Variants in AGBL1 observed in about 807,000 individuals in gnomAD.
AGBL1 encodes cytosolic carboxypeptidase 4.
Under a neutral mutation model 118.9 loss-of-function variants are expected in AGBL1, and 130 were observed. The observed-to-expected ratio is 1.09, with a 90% confidence interval of 0.95 to 1.26. AGBL1 has a LOEUF of 1.26. AGBL1 is among the 50% of genes most tolerant of loss of function. AGBL1 has a pLI of 0.00. For missense variants in AGBL1, 1,584 were observed against 1,298.1 expected, an observed-to-expected ratio of 1.22 and a Z score of -3.38; for synonymous variants, 555 against 478.9, an observed-to-expected ratio of 1.16 and a Z score of -2.08.
chr15:86,701,316 T>G (rs2142645449), intron 22 of AGBL1, among the ~76,000 whole-genome samples: 1 of 151,462 alleles, frequency 6.6e-6, no homozygotes, highest in African/African-American at 2.4e-5. Flanking sequence ...AGAGGGGAGG[T>G]GAAGGGTGAA....
At chr15:86,131,942 T>C (rs2076825216) in intron 1 of AGBL1, among the ~76,000 whole-genome samples, 1 of 138,434 alleles carries the variant, frequency 7.2e-6, no homozygotes, top group African/African-American at 2.8e-5. Flanking sequence ...AGCAAGACCA[T>C]GTCTCGAAAA....
At chr15:86,966,693 T>C (rs2081056976) in intron 23 of AGBL1, among the ~76,000 whole-genome samples, 1 of 152,194 alleles carries the variant, frequency 6.6e-6, no homozygotes, top group South Asian at 2.1e-4. Context: ...GCATGGTGTA[T>C]ATGTGCCATA....
chr15:86,529,414 A>C (rs1184798965), intron 19 of AGBL1, among the ~76,000 whole-genome samples: 7 of 132,426 alleles, frequency 5.3e-5, no homozygotes, highest in South Asian at 4.4e-4. Context: ...GAGAAAAAAG[A>C]ATAAAAAGAA....
Position 86,159,445 on chromosome 15 carries a change from C to A in AGBL1, c.488+419C>A, listed in dbSNP as rs576513193. On this transcript the variant is annotated intron_variant, in intron 5 of 22. Coordinates refer to ENST00000614907, the MANE Select transcript of AGBL1 (RefSeq NM_001386094.1). The stretch of plus-strand genomic sequence containing the variant: ...TAAATATAATCCTCAAAAGACATTT[C>A]ATAAATGACAGGGTCTCTAAAGAGA... 6.6e-5 allele frequency among the ~76,000 whole-genome samples: 10 copies of A among 152,216 alleles called. No individual in the cohort carries two copies. In the South Asian group the frequency reaches 2.1e-3, roughly 32 times the overall value.
At chr15:86,605,061 C>G (rs1596305118) in intron 21 of AGBL1, among the ~76,000 whole-genome samples, 1 of 152,170 alleles carries the variant, frequency 6.6e-6, no homozygotes, top group African/African-American at 2.4e-5. Flanking sequence ...TCCCAAAGTG[C>G]TGGGATTACA....
intron 1 of AGBL1, among the ~76,000 whole-genome samples, chr15:86,113,739 C>G (rs566422760): frequency 9.2e-5 from 14 of 152,296 alleles, no homozygotes; most frequent in African/African-American, 3.4e-4. Context: ...TTGTCCATCA[C>G]AGGTGCTCAC....
chr15:86,570,282 G>T (rs1367194618), intron 21 of AGBL1, among the ~76,000 whole-genome samples: 1 of 152,216 alleles, frequency 6.6e-6, no homozygotes, highest in Non-Finnish European at 1.5e-5. Flanking sequence ...CCCAGCTATT[G>T]TCCAGGCTCT....
In AGBL1 at chr15:86,422,506, A is replaced by C. The variant is rs375552208; in HGVS notation, c.2555+24960A>C. ...CACAGGAGAAAGTGGGAAAGATCTA[A>C]AATCGACAAGCTAACATCATAATTA... On this transcript the variant is annotated intron_variant, in intron 18 of 22. Transcript: ENST00000614907. Among the ~76,000 whole-genome samples the C allele has an allele frequency of 6.4e-4, 97 of 152,348 alleles. 2 individuals carry two copies. The South Asian group carries it at 0.02, about 31-fold the overall frequency.
At chr15:86,305,829 C>T (rs2079831530) in intron 17 of AGBL1, among the ~76,000 whole-genome samples, 1 of 152,086 alleles carries the variant, frequency 6.6e-6, no homozygotes, top group African/African-American at 2.4e-5. Flanking sequence ...CTGTGACTTC[C>T]TTTGGAAATC....
chr15:86,543,347 A>C (rs2083531178), intron 19 of AGBL1, among the ~76,000 whole-genome samples: 1 of 152,212 alleles, frequency 6.6e-6, no homozygotes, highest in Non-Finnish European at 1.5e-5. Context: ...TTACTTTTAC[A>C]TATGCTATAA....
intron 21 of AGBL1, among the ~76,000 whole-genome samples, chr15:86,562,203 G>A (rs2083835224): frequency 6.7e-6 from 1 of 149,898 alleles, no homozygotes; most frequent in South Asian, 2.1e-4. Context: ...TGAATAGGAG[G>A]CATCCCTGTC....
chr15:86,733,331 C>G lies in AGBL1; in HGVS notation c.3158+58895C>G, dbSNP rs1337872276. ...TCTTCCTCTTCCTTTTTGTTCTATCCAGGCCCTCAACAGATTGTATGATGG... is the reference window on the plus strand; with the variant it reads ...TCTTCCTCTTCCTTTTTGTTCTATCGAGGCCCTCAACAGATTGTATGATGG... On this transcript the variant is annotated intron_variant, in intron 22 of 22. Transcript: ENST00000614907. Among the ~76,000 whole-genome samples the G allele has an allele frequency of 2.6e-5, 4 of 152,040 alleles. No individual in the cohort carries two copies. The East Asian group carries it at 7.7e-4, about 29-fold the overall frequency.
At chr15:86,258,952 G>C (rs188287029) in intron 9 of AGBL1, among the ~76,000 whole-genome samples, 1 of 152,132 alleles carries the variant, frequency 6.6e-6, no homozygotes, top group African/African-American at 2.4e-5. Context: ...TGGTCTGCCC[G>C]CCTCAGCCTC....
At chr15:86,288,809 C>T (rs889862568) in intron 16 of AGBL1, among the ~76,000 whole-genome samples, 1 of 152,096 alleles carries the variant, frequency 6.6e-6, no homozygotes, top group Non-Finnish European at 1.5e-5. Context: ...AAATCTCCCA[C>T]TCCGAGAAGA....
At chr15:86,701,051 A>C (rs1306763441) in intron 22 of AGBL1, among the ~76,000 whole-genome samples, 1 of 152,176 alleles carries the variant, frequency 6.6e-6, no homozygotes, top group Non-Finnish European at 1.5e-5. Context: ...GATGAATTCC[A>C]GGTGCACATT....
intron 18 of AGBL1, among the ~76,000 whole-genome samples, chr15:86,495,784 T>G (rs2142151094): frequency 6.6e-6 from 1 of 152,118 alleles, no homozygotes. Context: ...GTTTGGTATA[T>G]AATTTTTTAA....
intron 23 of AGBL1, among the ~76,000 whole-genome samples, chr15:86,976,434 A>G (rs1004393088): frequency 1.3e-5 from 2 of 151,908 alleles, no homozygotes; most frequent in African/African-American, 4.8e-5. Context: ...TTTCTCAAGT[A>G]CCCCAGTTTA....
intron 23 of AGBL1, among the ~76,000 whole-genome samples, chr15:86,984,104 C>A (rs1327579913): frequency 1.3e-5 from 2 of 152,068 alleles, no homozygotes; most frequent in Non-Finnish European, 2.9e-5. Context: ...TTAAAACATT[C>A]CCAACGTGTT....
rs117553731 is a variant in AGBL1 at position 86,836,352 on chromosome 15, G to C, written c.3159-70735G>C. ...ACAAAGAACCAGCTCTCAGATCTTCGTCCTTTCAGTAGAAGCAATTTTTTC... is the reference window on the plus strand; with the variant it reads ...ACAAAGAACCAGCTCTCAGATCTTCCTCCTTTCAGTAGAAGCAATTTTTTC... On this transcript the variant is annotated intron_variant, in intron 22 of 22. Transcript: ENST00000614907. 2.6e-5 allele frequency among the ~76,000 whole-genome samples: 4 copies of C among 152,224 alleles called. No homozygotes were observed. The South Asian group carries it at 6.2e-4, about 24-fold the overall frequency.
Sources: allele counts gnomAD v4.1 joint callset (sites outside exome capture counted in the v4.1 genomes callset), GRCh38; gene constraint gnomAD v4.1.1; transcripts MANE v1.5; gene names NCBI Gene and HGNC (gene_info 2026-07-23, HGNC 2026-07-21).